TNKS: variants seen among roughly 807,000 people sequenced by gnomAD.
The protein encoded by TNKS is poly [ADP-ribose] polymerase tankyrase-1.
TNKS carries 72 observed loss-of-function variants against 135.8 expected under a neutral mutation model. The ratio of observed to expected loss-of-function variants is 0.53; its 90% CI spans 0.44 to 0.64. The LOEUF (loss-of-function observed/expected upper bound fraction) is 0.64. TNKS is among the 30% of genes least tolerant of loss of function. The pLI is 0.00. For missense variants in TNKS, 1,769 were observed against 1,674.0 expected (o/e 1.06, Z -0.99); for synonymous variants, 849 against 649.3 (o/e 1.31, Z -4.68).
At chr8:9,602,054 G>A (rs1283199089) in intron 2 of TNKS, among the ~76,000 whole-genome samples, 5 of 152,044 alleles carry the variant, frequency 3.3e-5, no homozygotes, top group Non-Finnish European at 7.3e-5. Flanking sequence ...CTATATCTGG[G>A]GACATGTTTG....
intron 8 of TNKS, among the ~76,000 whole-genome samples, chr8:9,707,653 A>G (rs1457333863): frequency 6.6e-6 from 1 of 152,324 alleles, no homozygotes; most frequent in African/African-American, 2.4e-5. Context: ...TTGTTTCAGC[A>G]TAGTTAAAGA....
intron 3 of TNKS, among the ~76,000 whole-genome samples, chr8:9,647,740 T>G (rs1420320800): frequency 6.6e-6 from 1 of 152,214 alleles, no homozygotes; most frequent in South Asian, 2.1e-4. Context: ...CTGGGAATGC[T>G]CTGCGTTTTA....
rs1455070449 is a variant in TNKS, at chr8:9,746,700, G to A, written c.2644-1324G>A. Among the ~76,000 whole-genome samples, 9 of 152,014 alleles carry A rather than the reference G, an allele frequency of 5.9e-5. No individual in the cohort carries two copies. In the South Asian group the frequency reaches 1.2e-3, roughly 21 times the overall value. ...AGCCCCAGTCCTCAGCCCTCCATAG[G>A]TATTGAGCAAATGCTGGTTGGTAGG... On this transcript the variant is annotated intron_variant, in intron 17 of 26. Coordinates refer to ENST00000310430, the MANE Select transcript of TNKS (RefSeq NM_003747.3).
intron 8 of TNKS, 71 bp from the exon 9 acceptor site, chr8:9,708,296 CTTAT>C (rs1452901316): frequency 2.9e-5 from 36 of 1,233,936 alleles, no homozygotes; most frequent in Non-Finnish European, 3.8e-5. Flanking sequence ...AATATTCCTA[CTTAT>C]TTATAATCAT....
chr8:9,672,764 T>C (rs1005078576), intron 3 of TNKS, among the ~76,000 whole-genome samples: 9 of 145,770 alleles, frequency 6.2e-5, no homozygotes, highest in Non-Finnish European at 1.3e-4. Flanking sequence ...TAGCTGCCAT[T>C]AACACAGATA....
At chr8:9,735,226 T>C in intron 16 of TNKS, 142 bp downstream of exon 16, 1 of 1,080,710 alleles carries the variant, frequency 9.3e-7, no homozygotes, top group Non-Finnish European at 1.3e-6. Context: ...TATAATTTCT[T>C]ATTGTGAAGT....
Position 9,766,262 on chromosome 8 carries a change from A to T in TNKS, c.3577A>T (p.Ile1193Phe). 1 of 1,610,488 alleles carries T rather than the reference A, an allele frequency of 6.2e-7. No individual in the cohort carries two copies. The highest frequency in any genetic ancestry group is 8.5e-7 in the Non-Finnish European group (1 of 1,178,352). The change falls in exon 25 of 27, where the codon ATT becomes TTT. Residue 1193 changes from isoleucine to phenylalanine, a missense_variant. Coordinates refer to ENST00000310430, the MANE Select transcript of TNKS (RefSeq NM_003747.3). ...AGGTTCTCCTTTCATTAATGCCATT[A>T]TTCATAAAGGGTTTGATGAGCGACA... ...FHGSPFINAI[I>F]HKGFDERHAY...
intron 2 of TNKS, among the ~76,000 whole-genome samples, chr8:9,588,365 CCCAGGTTCACG>C (rs1798466288): frequency 6.6e-6 from 1 of 152,016 alleles, no homozygotes; most frequent in Non-Finnish European, 1.5e-5. Flanking sequence ...AGCTCTGCCT[CCCAGGTTCACG>C]CCATGCTCTT....
chr8:9,677,955 T>C (rs1802615626), intron 3 of TNKS, among the ~76,000 whole-genome samples: 1 of 152,084 alleles, frequency 6.6e-6, no homozygotes, highest in Admixed American at 6.5e-5. Context: ...TGCTCAAGTT[T>C]CCCCTCTTCC....
intron 1 of TNKS, chr8:9,558,708 ACAAT>A (rs1200913734): frequency 3.3e-5 from 5 of 152,202 alleles, no homozygotes; most frequent in African/African-American, 1.2e-4. Context: ...TAGAAGATAA[ACAAT>A]CAAACAGTAC....
chr8:9,672,856 C>T (rs1802360667), intron 3 of TNKS, among the ~76,000 whole-genome samples: 2 of 151,918 alleles, frequency 1.3e-5, no homozygotes, highest in Non-Finnish European at 2.9e-5. Flanking sequence ...TTAGAGAGTT[C>T]CCTCCCTCCT....
chr8:9,607,581 AT>A (rs1799278700), intron 2 of TNKS, among the ~76,000 whole-genome samples: 1 of 152,200 alleles, frequency 6.6e-6, no homozygotes, highest in African/African-American at 2.4e-5. Context: ...ATCTTTGCCT[AT>A]GTACCTATGT....
rs893138992 is a variant in TNKS, at chr8:9,580,207, A to G, written c.722A>G (p.Asn241Ser). 6.8e-6 allele frequency: 11 copies of G among 1,614,052 alleles called. No homozygotes were observed. The highest frequency in any genetic ancestry group is 1.6e-4 in the Middle Eastern group (1 of 6,084). ...VVEHLLQMGA[N>S]VHARDDGGLI... ...GAACACTTACTACAGATGGGTGCTA[A>G]TGTCCACGCTCGTGATGATGGAGGT... The change falls in exon 2 of 27, where the codon AAT becomes AGT. Residue 241 changes from asparagine to serine, a missense_variant. Physicochemically the swap from Asn to Ser is conservative, Grantham distance 46 (BLOSUM62 1). Coordinates refer to ENST00000310430, the MANE Select transcript of TNKS (RefSeq NM_003747.3).
At chr8:9,665,046 T>C (rs1353042178) in intron 3 of TNKS, among the ~76,000 whole-genome samples, 4 of 152,218 alleles carry the variant, frequency 2.6e-5, no homozygotes, top group Non-Finnish European at 5.9e-5. Context: ...CTCTCTGAAA[T>C]ACTGACAATG....
At chr8:9,663,629 A>C (rs866624440) in intron 3 of TNKS, among the ~76,000 whole-genome samples, 1 of 152,356 alleles carries the variant, frequency 6.6e-6, no homozygotes, top group Middle Eastern at 3.4e-3. Context: ...GTAGGTTGTC[A>C]TCTATACTTC....
chr8:9,730,740 T>C, intron 13 of TNKS, 150 bp from the exon 14 acceptor site: 1 of 892,724 alleles, frequency 1.1e-6, no homozygotes, highest in Non-Finnish European at 1.6e-6. Context: ...TGCTGATTTC[T>C]AAACATTTGT....
At chr8:9,681,407 A>T (rs750269427) in intron 5 of TNKS, among the ~76,000 whole-genome samples, 25 of 152,176 alleles carry the variant, frequency 1.6e-4, no homozygotes, top group Non-Finnish European at 3.2e-4. Context: ...TACAGCTGGC[A>T]GCTTCATTAT....
rs912219700 is a variant in TNKS, at chr8:9,640,115, G to C, written c.994+24438G>C. 6.0e-4 allele frequency among the ~76,000 whole-genome samples: 92 copies of C among 152,154 alleles called. 2 individuals are homozygous for C. Among genetic ancestry groups the C allele is most frequent in the African/African-American group, 2.1e-3 (87 of 41,496 alleles). On this transcript the variant is annotated intron_variant, in intron 3 of 26. Transcript: ENST00000310430. The stretch of plus-strand genomic sequence containing the variant: ...CATATCTTGATTATACCAAAGTTAG[G>C]GTTTCCTTAAATAAGGAAATCCATT...
At chr8:9,616,441 T>C (rs1799649071) in intron 3 of TNKS, among the ~76,000 whole-genome samples, 1 of 152,238 alleles carries the variant, frequency 6.6e-6, no homozygotes, top group Non-Finnish European at 1.5e-5. Flanking sequence ...ACCTTCGTAA[T>C]GAGCCTCTGT....
Sources: allele counts gnomAD v4.1 joint callset (sites outside exome capture counted in the v4.1 genomes callset), GRCh38; gene constraint gnomAD v4.1.1; transcripts MANE v1.5; gene names NCBI Gene and HGNC (gene_info 2026-07-23, HGNC 2026-07-21).